WWOX: variants seen among roughly 807,000 people sequenced by gnomAD.
The protein encoded by WWOX is WW domain-containing oxidoreductase.
A neutral mutation model predicts 46.2 loss-of-function variants in WWOX; 69 were observed. The ratio of observed to expected loss-of-function variants is 1.49; its 90% CI spans 1.23 to 1.82. The LOEUF is 1.82. Ranked by LOEUF, WWOX falls within the 40% of genes most tolerant of loss-of-function variation. WWOX has a pLI of 0.00. For missense variants in WWOX, 919 were observed against 542.6 expected, an observed-to-expected ratio of 1.69 and a Z score of -6.89; for synonymous variants, 359 against 202.6, an observed-to-expected ratio of 1.77 and a Z score of -6.56.
In WWOX at chr16:78,776,489, T is replaced by C. The variant is rs552421879; in HGVS notation, c.1056+343737T>C. Among the ~76,000 whole-genome samples, 26 of 152,230 alleles carry C rather than the reference T, an allele frequency of 1.7e-4. No individual in the cohort carries two copies. In the South Asian group the frequency reaches 3.5e-3, roughly 21 times the overall value. ...AGAATTAAATATGACGATACATAAA[T>C]AGCACCTGGAAAAGTGTTTAGGAAA... On this transcript the variant is annotated intron_variant, in intron 8 of 8. Transcript: ENST00000566780.
chr16:78,960,324 C>G (rs749837471), intron 8 of WWOX, among the ~76,000 whole-genome samples: 1 of 152,186 alleles, frequency 6.6e-6, no homozygotes, highest in Non-Finnish European at 1.5e-5. Context: ...TAACGTTTGG[C>G]TTGTGGTATA....
intron 8 of WWOX, among the ~76,000 whole-genome samples, chr16:79,178,608 C>T (rs2050849284): frequency 1.3e-5 from 2 of 152,178 alleles, no homozygotes; most frequent in South Asian, 4.1e-4. Context: ...AGAGCCACCA[C>T]ACCCAGCCTG....
rs1225842987 is a variant in WWOX at position 78,443,158 on chromosome 16, G to T, written c.1056+10406G>T. 1.5e-4 allele frequency among the ~76,000 whole-genome samples: 15 copies of T among 102,186 alleles called. No individual in the cohort carries two copies. The South Asian group carries it at 2.0e-3, about 14-fold the overall frequency. The allele number at this position is 102,186 out of a possible 152,430, so 67.0% of individuals were successfully genotyped here. A position where few individuals can be genotyped will look rare whatever the true frequency, so the allele number is the denominator to read the frequency against. Reference sequence around the variant, plus strand: ...CTCAAAAAAAAAAAAAAAAAAAAAAGGCTGTGTGTGGTGACTCGTGTCTAT... The same window carrying T: ...CTCAAAAAAAAAAAAAAAAAAAAAATGCTGTGTGTGGTGACTCGTGTCTAT... On this transcript the variant is annotated intron_variant, in intron 8 of 8. Transcript: ENST00000566780.
intron 8 of WWOX, among the ~76,000 whole-genome samples, chr16:78,910,790 A>T (rs2045089963): frequency 6.6e-6 from 1 of 151,882 alleles, no homozygotes; most frequent in Admixed American, 6.6e-5. Flanking sequence ...GCAAAGACCC[A>T]TCCCCATGAT....
At chr16:78,544,479 C>G (rs1372741822) in intron 8 of WWOX, among the ~76,000 whole-genome samples, 1 of 152,080 alleles carries the variant, frequency 6.6e-6, no homozygotes, top group Non-Finnish European at 1.5e-5. Flanking sequence ...AAATGAATGC[C>G]AAAGTCACAG....
chr16:78,322,311 A>G lies in WWOX; in HGVS notation c.517-64549A>G, dbSNP rs141359947. 1.3e-3 allele frequency among the ~76,000 whole-genome samples: 193 copies of G among 152,220 alleles called. 2 individuals carry two copies. The highest frequency in any genetic ancestry group is 4.4e-3 in the African/African-American group (184 of 41,544). ...GCCAGCATTAAGGGGAAAAAATGAC[A>G]TTTTGACTTTGACTCCCTTTGTAAT... On this transcript the variant is annotated intron_variant, in intron 5 of 8. Transcript: ENST00000566780.
intron 8 of WWOX, among the ~76,000 whole-genome samples, chr16:78,632,911 A>T (rs2046470765): frequency 6.6e-6 from 1 of 151,920 alleles, no homozygotes; most frequent in Admixed American, 6.6e-5. Flanking sequence ...CGTGTAATAG[A>T]AAGGTAGGGC....
intron 8 of WWOX, among the ~76,000 whole-genome samples, chr16:79,112,646 A>G (rs892717374): frequency 3.3e-5 from 5 of 152,246 alleles, no homozygotes; most frequent in Non-Finnish European, 5.9e-5. Context: ...AGATTAAGAA[A>G]GCACTCGCAT....
chr16:79,127,310 C>T (rs569334819), intron 8 of WWOX, among the ~76,000 whole-genome samples: 3 of 152,252 alleles, frequency 2.0e-5, no homozygotes, highest in Admixed American at 6.5e-5. Flanking sequence ...TCCTTCTAGA[C>T]ATTATTATGC....
chr16:78,818,207 G>T (rs2051392913), intron 8 of WWOX, among the ~76,000 whole-genome samples: 1 of 152,212 alleles, frequency 6.6e-6, no homozygotes, highest in African/African-American at 2.4e-5. Context: ...TCCCTGGAAA[G>T]GCTAATGGCT....
intron 8 of WWOX, among the ~76,000 whole-genome samples, chr16:78,639,088 A>C (rs916322814): frequency 2.0e-5 from 3 of 152,188 alleles, no homozygotes; most frequent in Admixed American, 6.5e-5. Context: ...TGGGCCTAAA[A>C]GACCAGTCTC....
intron 4 of WWOX, among the ~76,000 whole-genome samples, chr16:78,129,512 A>G (rs1004237280): frequency 6.6e-6 from 1 of 152,168 alleles, no homozygotes; most frequent in Admixed American, 6.5e-5. Context: ...TTGTGTGTGC[A>G]GTCCATTGTC....
intron 8 of WWOX, among the ~76,000 whole-genome samples, chr16:78,962,825 G>A (rs1465131490): frequency 6.6e-6 from 1 of 152,110 alleles, no homozygotes; most frequent in Non-Finnish European, 1.5e-5. Context: ...AGCATTAAGA[G>A]GTAACCACTA....
chr16:78,848,209 G>A (rs1050903027), intron 8 of WWOX, among the ~76,000 whole-genome samples: 3 of 152,196 alleles, frequency 2.0e-5, no homozygotes, highest in African/African-American at 7.2e-5. Context: ...ATGAATTAGA[G>A]TTGACATACG....
At chr16:78,803,210 A>C (rs546987423) in intron 8 of WWOX, among the ~76,000 whole-genome samples, 1 of 152,088 alleles carries the variant, frequency 6.6e-6, no homozygotes, top group East Asian at 1.9e-4. Context: ...GTTCTTCCTT[A>C]AATAAAAAGC....
At chr16:78,114,403 A>C (rs1237011107) in intron 3 of WWOX, among the ~76,000 whole-genome samples, 1 of 152,194 alleles carries the variant, frequency 6.6e-6, no homozygotes, top group African/African-American at 2.4e-5. Context: ...CCCAGCCTCC[A>C]GTATATTTTA....
At chr16:79,157,524 G>C (rs1460077576) in intron 8 of WWOX, among the ~76,000 whole-genome samples, 1 of 152,110 alleles carries the variant, frequency 6.6e-6, no homozygotes, top group Non-Finnish European at 1.5e-5. Context: ...ACATCTCTAA[G>C]GCATTTGGCA....
At chr16:79,131,098 C>T (rs976329767) in intron 8 of WWOX, among the ~76,000 whole-genome samples, 3 of 152,130 alleles carry the variant, frequency 2.0e-5, no homozygotes, top group African/African-American at 7.2e-5. Flanking sequence ...AGTGGGCTTT[C>T]TGTGAGAGTT....
chr16:78,560,235 T>C (rs2044402631), intron 8 of WWOX, among the ~76,000 whole-genome samples: 1 of 152,198 alleles, frequency 6.6e-6, no homozygotes, highest in African/African-American at 2.4e-5. Flanking sequence ...CTGAAATCTG[T>C]TTGGATCTGA....
Sources: gnomAD v4.1 joint callset for allele counts (sites outside exome capture counted in the v4.1 genomes callset) on GRCh38, gnomAD v4.1.1 for gene constraint, MANE v1.5 for transcripts, NCBI Gene and HGNC (gene_info 2026-07-23, HGNC 2026-07-21) for gene names.